CRACR2A: variants seen among roughly 807,000 people sequenced by gnomAD.
The protein encoded by CRACR2A is EF-hand calcium-binding domain-containing protein 4B.
CRACR2A carries 79 observed loss-of-function variants against 90.5 expected under a neutral mutation model. The ratio of observed to expected loss-of-function variants is 0.87; its 90% CI spans 0.73 to 1.05. The LOEUF (loss-of-function observed/expected upper bound fraction) is 1.05. CRACR2A is among the 50% of genes least tolerant of loss of function. The pLI is 0.00. For missense variants in CRACR2A, 823 were observed against 897.2 expected (o/e 0.92, Z 1.06); for synonymous variants, 338 against 356.7 (o/e 0.95, Z 0.59).
At chr12:3,666,385 G>A (rs552711416) in intron 7 of CRACR2A, among the ~76,000 whole-genome samples, 120 of 152,004 alleles carry the variant, frequency 7.9e-4, no homozygotes, top group South Asian at 4.6e-3. Context: ...GCGCACGCGC[G>A]CACACGCTCA....
At chr12:3,666,364 TGCGCGTGCGC>T (rs1945148147) in intron 7 of CRACR2A, among the ~76,000 whole-genome samples, 3 of 149,498 alleles carry the variant, frequency 2.0e-5, no homozygotes, top group Non-Finnish European at 4.5e-5. Flanking sequence ...TGCGTGCGTG[TGCGCGTGCGC>T]GCGCACGCGC....
intron 1 of CRACR2A, among the ~76,000 whole-genome samples, chr12:3,734,629 ATGTGTGTGTG>A (rs59680765): frequency 2.0e-5 from 3 of 149,502 alleles, no homozygotes; most frequent in Non-Finnish European, 3.0e-5. Context: ...AGGTGTGTGT[ATGTGTGTGTG>A]TGTGTGTGTG....
chr12:3,615,541 T>C (rs1376887024), intron 19 of CRACR2A, 102 bp from the exon 20 acceptor site: 3 of 958,862 alleles, frequency 3.1e-6, no homozygotes, highest in Non-Finnish European at 4.7e-6. Context: ...ATCTGGGCCA[T>C]ATGGAGAGAA....
chr12:3,745,825 T>TAAATAAAATA (rs149739964), intron 1 of CRACR2A, among the ~76,000 whole-genome samples: 1 of 100,486 alleles, frequency 1.0e-5, no homozygotes, highest in Non-Finnish European at 2.0e-5. Context: ...TAAAATAAAA[T>TAAATAAAATA]AAAGAAAGAA....
intron 17 of CRACR2A, among the ~76,000 whole-genome samples, chr12:3,625,977 C>A (rs1944250073): frequency 6.6e-6 from 1 of 152,200 alleles, no homozygotes; most frequent in African/African-American, 2.4e-5. Flanking sequence ...GGAATTACTG[C>A]TGGATTCACC....
chr12:3,720,938 C>T (rs1049601342), intron 2 of CRACR2A, among the ~76,000 whole-genome samples: 1 of 152,186 alleles, frequency 6.6e-6, no homozygotes, highest in Non-Finnish European at 1.5e-5. Context: ...CCAACACAAC[C>T]CCATGCAGGA....
intron 17 of CRACR2A, among the ~76,000 whole-genome samples, chr12:3,622,359 T>G (rs1275497804): frequency 6.6e-6 from 1 of 152,236 alleles, no homozygotes; most frequent in African/African-American, 2.4e-5. Context: ...TCTCTCCATG[T>G]GACTCATCTG....
chr12:3,713,936 G>C (rs1946044549), intron 2 of CRACR2A, among the ~76,000 whole-genome samples: 1 of 152,182 alleles, frequency 6.6e-6, no homozygotes, highest in East Asian at 1.9e-4. Flanking sequence ...GAATGCTTTG[G>C]CCACATGCTG....
chr12:3,630,178 G>A (rs988393493), intron 15 of CRACR2A, among the ~76,000 whole-genome samples: 2 of 152,300 alleles, frequency 1.3e-5, no homozygotes, highest in African/African-American at 4.8e-5. Flanking sequence ...AGTGCAGCTG[G>A]AGCATTCGAC....
At chr12:3,638,765 T>G (rs1018136062) in intron 13 of CRACR2A, among the ~76,000 whole-genome samples, 2 of 152,182 alleles carry the variant, frequency 1.3e-5, no homozygotes, top group African/African-American at 2.4e-5. Flanking sequence ...CTTGATTTAG[T>G]GGGGGACTAA....
In CRACR2A at chr12:3,656,671, C is replaced by T. The variant is rs143598343; in HGVS notation, c.763-265G>A. On this transcript the variant is annotated intron_variant, in intron 8 of 19. Transcript: ENST00000440314. The stretch of plus-strand genomic sequence containing the variant: ...TGTTCAATGACTGTGCACCACCACC[C>T]TCCTCTCCGCCAAAAAAGGGGCAGT... Among the ~76,000 whole-genome samples, 493 of 152,254 alleles carry T rather than the reference C, an allele frequency of 3.2e-3. 3 individuals are homozygous for T. Among genetic ancestry groups the T allele is most frequent in the African/African-American group, 0.011 (455 of 41,548 alleles).
intron 4 of CRACR2A, among the ~76,000 whole-genome samples, chr12:3,693,483 TG>T (rs1299460192): frequency 6.6e-6 from 1 of 152,208 alleles, no homozygotes; most frequent in Admixed American, 6.5e-5. Flanking sequence ...CCTAGGGAGA[TG>T]GGTTTCTTGT....
In CRACR2A at chr12:3,617,086, G is replaced by T; in HGVS notation, c.2035-56C>A. The T allele has an allele frequency of 2.9e-6, 4 of 1,379,548 alleles. No individual in the cohort carries two copies. The South Asian group carries it at 5.0e-5, about 17-fold the overall frequency. 85.5% of individuals were successfully genotyped at this position (1,379,548 alleles called of 1,614,324 possible). A position where few individuals can be genotyped will look rare whatever the true frequency, so the allele number is the denominator to read the frequency against. On this transcript the variant is annotated intron_variant, in intron 18 of 19. Transcript: ENST00000440314. ...GTATTGGAGTGAGAGGGGATTGTGG[G>T]GGGTGGTGGGAGAGCCCCCTTGTGC...
intron 2 of CRACR2A, among the ~76,000 whole-genome samples, chr12:3,725,251 A>C (rs1946242837): frequency 6.6e-6 from 1 of 152,064 alleles, no homozygotes; most frequent in South Asian, 2.1e-4. Context: ...TTAAAACAAC[A>C]GATTTCTTCT....
chr12:3,702,197 T>C (rs1363143335), intron 3 of CRACR2A, among the ~76,000 whole-genome samples: 2 of 152,154 alleles, frequency 1.3e-5, no homozygotes, highest in African/African-American at 4.8e-5. Flanking sequence ...GCTAACATCA[T>C]ACTTAAGGGT....
chr12:3,636,764 G>C (rs1199521177), intron 14 of CRACR2A, among the ~76,000 whole-genome samples: 1 of 152,230 alleles, frequency 6.6e-6, no homozygotes, highest in Non-Finnish European at 1.5e-5. Context: ...GTGCCACCCA[G>C]CTCTCCACTC....
Position 3,744,400 on chromosome 12 carries a change from T to C in CRACR2A, c.-387+8615A>G, listed in dbSNP as rs576907620. On this transcript the variant is annotated intron_variant, in intron 1 of 19. Transcript: ENST00000440314. ...AGAAACCTTCTCGAGTAGACACTAA[T>C]GTGCCCAGACAGGGAAGCTGTGCTT... Among the ~76,000 whole-genome samples the C allele has an allele frequency of 2.0e-5, 3 of 152,316 alleles. No individual in the cohort carries two copies. In the South Asian group the frequency reaches 6.2e-4, roughly 32 times the overall value.
Position 3,641,743 on chromosome 12 carries a change from C to T in CRACR2A, c.1260G>A (p.Gly420=). 1 of 1,551,624 alleles carries T rather than the reference C, an allele frequency of 6.4e-7. No homozygotes were observed. Among genetic ancestry groups the T allele is most frequent in the Non-Finnish European group, 8.7e-7 (1 of 1,146,930 alleles). Residue 420 remains glycine (G), a synonymous_variant, in exon 13 of 20, where the codon GGG becomes GGA. Coordinates refer to ENST00000440314, the MANE Select transcript of CRACR2A (RefSeq NM_001144958.2). ...TGGAGATGACTTACCTCCTAAGAAT[C>T]CCTCTGCTGTCCACATATTTGCCTA... ...SVIGKYVDSR[G]ILRSQSEEEE...
At chr12:3,696,322 A>G (rs242004) in intron 4 of CRACR2A, among the ~76,000 whole-genome samples, 15,641 of 152,292 alleles carry the variant, frequency 0.1, 1,016 homozygotes, top group Non-Finnish European at 0.14. Flanking sequence ...ATTGCAGTGT[A>G]TTTGGGTTTG....
Sources: gnomAD v4.1 joint callset for allele counts (sites outside exome capture counted in the v4.1 genomes callset) on GRCh38, gnomAD v4.1.1 for gene constraint, MANE v1.5 for transcripts, NCBI Gene and HGNC (gene_info 2026-07-23, HGNC 2026-07-21) for gene names.